Variants in TRMT11 observed in about 807,000 individuals in gnomAD.
TRMT11 encodes tRNA methyltransferase 11, also known as tRNA (guanine(10)-N(2))-methyltransferase TRMT11.
A neutral mutation model predicts 62.8 loss-of-function variants in TRMT11; 53 were observed. The observed-to-expected ratio is 0.84, with a 90% confidence interval of 0.68 to 1.06. The LOEUF is 1.06. TRMT11 is among the 50% of genes least tolerant of loss of function. TRMT11 has a pLI of 0.00. For missense variants in TRMT11, 556 were observed against 553.4 expected, an observed-to-expected ratio of 1.00 and a Z score of -0.05; for synonymous variants, 188 against 190.3, an observed-to-expected ratio of 0.99 and a Z score of 0.10.
chr6:126,047,769 G>A (rs775264567), intron 16 of TRMT11, among the ~76,000 whole-genome samples: 3 of 152,172 alleles, frequency 2.0e-5, no homozygotes, highest in South Asian at 2.1e-4. Flanking sequence ...TCCCCTTCCC[G>A]TAAGGGGTTT....
chr6:126,183,900 G>A (rs776882297), intron 1 of TRMT11, among the ~76,000 whole-genome samples: 79 of 152,150 alleles, frequency 5.2e-4, no homozygotes, highest in Middle Eastern at 3.2e-3. Context: ...CCCTTAGTGC[G>A]AGTCGCAGCT....
Position 126,158,048 on chromosome 6 carries a change from A to G in TRMT11, c.*1824-16777A>G, listed in dbSNP as rs531965260. Among the ~76,000 whole-genome samples the G allele has an allele frequency of 8.3e-4, 127 of 152,222 alleles. 2 individuals are homozygous for G. The South Asian group carries it at 0.025, about 30-fold the overall frequency. ...AATCCCCTCCCTTCTGCCATATGTAATAATTATGCTATATAACAGAATAAT... is the reference window on the plus strand; with the variant it reads ...AATCCCCTCCCTTCTGCCATATGTAGTAATTATGCTATATAACAGAATAAT... On this transcript the variant is annotated intron_variant and NMD_transcript_variant, in intron 21 of 22. Transcript: ENST00000648977.
chr6:126,222,167 A>G, the TRMT11 span, among the ~76,000 whole-genome samples: 3 of 152,022 alleles, frequency 2.0e-5, no homozygotes, highest in African/African-American at 7.2e-5. Context: ...CCATTAGTCT[A>G]TGTGTCTGTT....
At chr6:126,111,850 C>G (rs1260810152) in intron 17 of TRMT11, among the ~76,000 whole-genome samples, 1 of 152,104 alleles carries the variant, frequency 6.6e-6, no homozygotes, top group Non-Finnish European at 1.5e-5. Flanking sequence ...CTGTAAGTAA[C>G]TTCTCTGCCT....
the TRMT11 span, among the ~76,000 whole-genome samples, chr6:126,219,718 A>G: frequency 6.6e-6 from 1 of 152,192 alleles, no homozygotes; most frequent in South Asian, 2.1e-4. Context: ...CTCTCACTAT[A>G]TGGTCAACAC....
intron 21 of TRMT11, among the ~76,000 whole-genome samples, chr6:126,135,433 C>T (rs985715035): frequency 6.6e-6 from 1 of 151,344 alleles, no homozygotes; most frequent in African/African-American, 2.4e-5. Flanking sequence ...CAAGATTGAA[C>T]CATGAAAAAA....
rs1396740904 is a variant in TRMT11 at position 126,011,366 on chromosome 6, T to C, written c.874T>C (p.Ser292Pro). The change falls in exon 9 of 13, where the codon TCT becomes CCT. Residue 292 changes from serine to proline, a missense_variant. Physicochemically the swap from Ser to Pro is moderately conservative, Grantham distance 74. Transcript: ENST00000334379. The stretch of plus-strand genomic sequence containing the variant: ...CCTTGATGTCCTGGTTTCAGATGCA[T>C]CTAAACCTTCCTGGAGGAAGGGCAC... ...YYLDVLVSDA[S>P]KPSWRKGTYF... 1 of 1,613,240 alleles carries C rather than the reference T, an allele frequency of 6.2e-7. No individual in the cohort carries two copies. The highest frequency in any genetic ancestry group is 8.5e-7 in the Non-Finnish European group (1 of 1,179,528).
At chr6:126,184,016 CTAA>C (rs2128242382) in intron 1 of TRMT11, among the ~76,000 whole-genome samples, 1 of 152,144 alleles carries the variant, frequency 6.6e-6, no homozygotes, top group East Asian at 1.9e-4. Flanking sequence ...TTGAAAATGA[CTAA>C]TAATAATAGA....
the TRMT11 span, among the ~76,000 whole-genome samples, chr6:126,261,943 G>T: frequency 6.6e-6 from 1 of 152,202 alleles, no homozygotes; most frequent in Non-Finnish European, 1.5e-5. Context: ...ACGGTAGTCT[G>T]TCTAGGGGTG....
chr6:126,015,153 A>G (rs1333847733), intron 11 of TRMT11, among the ~76,000 whole-genome samples: 1 of 151,962 alleles, frequency 6.6e-6, no homozygotes, highest in Non-Finnish European at 1.5e-5. Context: ...GAAAACTCCC[A>G]TCTCTACCCT....
At chr6:126,088,630 C>CTA (rs974593125) in intron 17 of TRMT11, among the ~76,000 whole-genome samples, 1 of 152,278 alleles carries the variant, frequency 6.6e-6, no homozygotes, top group Non-Finnish European at 1.5e-5. Context: ...GTGTGCAAAG[C>CTA]TATATATGAA....
intron 21 of TRMT11, among the ~76,000 whole-genome samples, chr6:126,151,424 G>T (rs1252700765): frequency 6.6e-6 from 1 of 151,934 alleles, no homozygotes; most frequent in Non-Finnish European, 1.5e-5. Context: ...CTCCATTTGT[G>T]ATTTCTTCCT....
the TRMT11 span, among the ~76,000 whole-genome samples, chr6:126,226,557 A>G: frequency 1.3e-5 from 2 of 152,206 alleles, no homozygotes; most frequent in Non-Finnish European, 2.9e-5. Context: ...AATGATTATC[A>G]TATGGTGTTT....
the TRMT11 span, among the ~76,000 whole-genome samples, chr6:126,258,551 A>G: frequency 1.3e-5 from 2 of 152,098 alleles, no homozygotes; most frequent in African/African-American, 4.8e-5. Context: ...TACAGAATCA[A>G]TTTTCTCACT....
chr6:126,148,388 C>A (rs892652427), intron 21 of TRMT11, among the ~76,000 whole-genome samples: 4 of 152,152 alleles, frequency 2.6e-5, no homozygotes, highest in Admixed American at 2.6e-4. Context: ...TAATTACATG[C>A]GTTCTTTCTC....
intron 21 of TRMT11, among the ~76,000 whole-genome samples, chr6:126,141,359 TTAAA>T (rs1384165670): frequency 4.6e-5 from 7 of 152,166 alleles, no homozygotes; most frequent in Admixed American, 2.6e-4. Flanking sequence ...GTCAAATAAG[TTAAA>T]TAGTCAAAAG....
the TRMT11 span, among the ~76,000 whole-genome samples, chr6:126,209,416 G>A: frequency 6.6e-6 from 1 of 152,086 alleles, no homozygotes; most frequent in Non-Finnish European, 1.5e-5. Flanking sequence ...AAATAGATCA[G>A]TTATTCAAAA....
At chr6:125,999,694 AAG>A (rs1365064285) in intron 7 of TRMT11, 81 bp downstream of exon 7, 5 of 1,290,566 alleles carry the variant, frequency 3.9e-6, no homozygotes, top group African/African-American at 3.0e-5. Context: ...TTTTTGCTAA[AAG>A]AGTAAATGGA....
At position 125,986,596 on chromosome 6, in the gene TRMT11, C is replaced by T. The variant is rs1203848907; in HGVS notation, c.46C>T (p.Gln16Ter). ...TLNRYLLLMA[Q>*]EHLEFRLPEI... ...TAACAGGTATCTGCTCCTCATGGCG[C>T]AGGAGCATCTGGAGTTCCGCCTGCC... Residue 16 changes from glutamine (Q) to a stop codon, truncating the protein, a stop_gained, in exon 1 of 13, where the codon CAG (glutamine) becomes TAG (stop). Transcript: ENST00000334379. LOFTEE classifies it high-confidence loss of function. 6.3e-7 allele frequency: 1 copy of T among 1,585,154 alleles called. No individual in the cohort carries two copies. Among genetic ancestry groups the T allele is most frequent in the Admixed American group, 1.8e-5 (1 of 55,032 alleles).
Sources: gnomAD v4.1 joint callset for allele counts (sites outside exome capture counted in the v4.1 genomes callset) on GRCh38, gnomAD v4.1.1 for gene constraint, MANE v1.5 for transcripts, NCBI Gene and HGNC (gene_info 2026-07-23, HGNC 2026-07-21) for gene names.